The following KRTAP10-4 variants were observed in gnomAD, a reference collection of about 807,000 sequenced individuals.
KRTAP10-4 encodes the protein keratin associated protein 10-4, also known as keratin-associated protein 10-4.
For synonymous variants in KRTAP10-4, 147 were observed against 213.7 expected, an observed-to-expected ratio of 0.69 and a Z score of 2.72; for missense variants, 374 against 507.6, an observed-to-expected ratio of 0.74 and a Z score of 2.53.
the KRTAP10-4 span, chr21:44,574,793 C>A: frequency 1.2e-6 from 2 of 1,614,210 alleles, no homozygotes; most frequent in Non-Finnish European, 1.7e-6. Flanking sequence ...AATCTAGCTG[C>A]CAGCCAGCTT....
In KRTAP10-4 at chr21:44,574,621, C is replaced by T. The variant is rs1978318069; in HGVS notation, c.863C>T (p.Pro288Leu). The change falls in exon 1 of 1, where the codon CCC becomes CTC. Residue 288 changes from proline (P) to leucine (L), a missense_variant. By Grantham distance (98) the Pro-to-Leu change is moderately conservative. Coordinates refer to ENST00000400374, the MANE Select transcript of KRTAP10-4 (RefSeq NM_198687.2). ...TGCTGCAAGCCTGTCTGCTCTGTGCCCATCTGCTCTGGGGCTTCCTCTCTG... is the reference window on the plus strand; with the variant it reads ...TGCTGCAAGCCTGTCTGCTCTGTGCTCATCTGCTCTGGGGCTTCCTCTCTG... Reference protein sequence around the residue: ...PVCCKPVCSVPICSGASSLCC... With the variant: ...PVCCKPVCSVLICSGASSLCC... 7.7e-7 allele frequency: 1 copy of T among 1,293,720 alleles called. No individual in the cohort carries two copies. 80.1% of individuals were successfully genotyped at this position (1,293,720 alleles called of 1,614,324 possible). A position where few individuals can be genotyped will look rare whatever the true frequency, so the allele number is the denominator to read the frequency against.
rs1978322264 is a variant in KRTAP10-4, at chr21:44,574,754, C to T, written c.996C>T (p.Cys332=). The change falls in exon 1 of 1, where the codon TGC becomes TGT. Residue 332 remains cysteine, a synonymous_variant. Transcript: ENST00000400374. ...AGCCTGTGAGCTGTGTGCCTGTTTGCTCTGGGGCTTCCTCTTCATGCTGCC... is the reference window on the plus strand; with the variant it reads ...AGCCTGTGAGCTGTGTGCCTGTTTGTTCTGGGGCTTCCTCTTCATGCTGCC... ...CCKPVSCVPV[C]SGASSSCCQQ... 1.2e-6 allele frequency: 2 copies of T among 1,613,924 alleles called. No homozygotes were observed. The highest frequency in any genetic ancestry group is 1.7e-6 in the Non-Finnish European group (2 of 1,179,980).
At position 44,574,186 on chromosome 21, in the gene KRTAP10-4, C is replaced by T. The variant is rs782354453; in HGVS notation, c.428C>T (p.Ser143Leu). ...TGCTGCCAGCAGTCTAGCTGCCAGT[C>T]AGCTTGCTGCACCTCCTCCCCCTGC... ...SSCCQQSSCQ[S>L]ACCTSSPCQQ... Residue 143 changes from serine to leucine, a missense_variant, in exon 1 of 1, where the codon TCA becomes TTA. Coordinates refer to ENST00000400374, the MANE Select transcript of KRTAP10-4 (RefSeq NM_198687.2). The T allele has an allele frequency of 8.7e-6, 14 of 1,609,734 alleles. No homozygotes were observed. In the African/African-American group the frequency reaches 1.5e-4, roughly 17 times the overall value.
At position 44,574,519 on chromosome 21, in the gene KRTAP10-4, C is replaced by T; in HGVS notation, c.761C>T (p.Ser254Phe). 3 of 1,609,712 alleles carry T rather than the reference C, an allele frequency of 1.9e-6. No homozygotes were observed. Among genetic ancestry groups the T allele is most frequent in the Non-Finnish European group, 2.5e-6 (3 of 1,179,344 alleles). ...SEDSSSCCQQ[S>F]SCQPACCTSS... ...GATTCCTCTTCATGCTGCCAGCAGT[C>T]TAGCTGCCAGCCGGCTTGCTGCACC... The change falls in exon 1 of 1, where the codon TCT becomes TTT. Residue 254 changes from serine to phenylalanine, a missense_variant. By Grantham distance (155) the Ser-to-Phe change is radical. Coordinates refer to ENST00000400374, the MANE Select transcript of KRTAP10-4 (RefSeq NM_198687.2).
Position 44,574,452 on chromosome 21 carries a change from G to T in KRTAP10-4, c.694G>T (p.Val232Phe). ...CTGCCAGCAGGCCTGCTGCGTGCCC[G>T]TCTGCTGCAAGACTGTCTGCTGCAA... is the stretch of plus-strand genomic sequence containing the variant. ...SSCQQACCVP[V>F]CCKTVCCKPV... Residue 232 changes from valine to phenylalanine, a missense_variant, in exon 1 of 1, where the codon GTC becomes TTC. Coordinates refer to ENST00000400374, the MANE Select transcript of KRTAP10-4 (RefSeq NM_198687.2). 1 of 1,601,130 alleles carries T rather than the reference G, an allele frequency of 6.2e-7. No homozygotes were observed. The highest frequency in any genetic ancestry group is 8.5e-7 in the Non-Finnish European group (1 of 1,174,218).
chr21:44,575,046 C>T lies in KRTAP10-4; in HGVS notation c.*82C>T. On this transcript the variant is annotated 3_prime_UTR_variant, in exon 1 of 1. Transcript: ENST00000400374. ...CTGCTGATGGACACGCCCCCCAGTG[C>T]CAGCCAGGCTCAGGTCCCACCTGAA... is the stretch of plus-strand genomic sequence containing the variant. 6.4e-7 allele frequency: 1 copy of T among 1,570,442 alleles called. No homozygotes were observed. The highest frequency in any genetic ancestry group is 1.2e-5 in the South Asian group (1 of 83,392).
Position 44,575,088 on chromosome 21 carries a change from C to T in KRTAP10-4, c.*124C>T. The T allele has an allele frequency of 7.2e-7, 1 of 1,387,792 alleles. No individual in the cohort carries two copies. Among genetic ancestry groups the T allele is most frequent in the African/African-American group, 1.4e-5 (1 of 69,436 alleles). The allele number at this position is 1,387,792 out of a possible 1,614,324, so 86.0% of individuals were successfully genotyped here. On this transcript the variant is annotated 3_prime_UTR_variant, in exon 1 of 1. Coordinates refer to ENST00000400374, the MANE Select transcript of KRTAP10-4 (RefSeq NM_198687.2). Reference sequence around the variant, plus strand: ...CCACCTGAAAGCTGATAGTCGCGTCCTGAATTGCTCCTGCACTTTGACCAT... The same window carrying T: ...CCACCTGAAAGCTGATAGTCGCGTCTTGAATTGCTCCTGCACTTTGACCAT...
At position 44,573,972 on chromosome 21, in the gene KRTAP10-4, T is replaced by C. The variant is rs1278986301; in HGVS notation, c.214T>C (p.Cys72Arg). ...GTCCAGCCCCTGCTGCCCAGTGACC[T>C]GTGAGCCCAGCCCCTGCCAATCAGG... Reference protein sequence around the residue: ...RVSSPCCPVTCEPSPCQSGCT... With the variant: ...RVSSPCCPVTREPSPCQSGCT... The change falls in exon 1 of 1, where the codon TGT becomes CGT. Residue 72 changes from cysteine to arginine, a missense_variant. Transcript: ENST00000400374. 6.2e-7 allele frequency: 1 copy of C among 1,612,022 alleles called. No individual in the cohort carries two copies. The highest frequency in any genetic ancestry group is 2.2e-5 in the East Asian group (1 of 44,894).
In KRTAP10-4 at chr21:44,573,790, G is replaced by A. The variant is rs1555923049; in HGVS notation, c.32G>A (p.Ser11Asn). The A allele has an allele frequency of 6.2e-6, 10 of 1,613,988 alleles. No homozygotes were observed. The highest frequency in any genetic ancestry group is 8.5e-6 in the Non-Finnish European group (10 of 1,180,008). MSVCSSDLSYSSRVCLPGSCD... is the reference protein window; with the variant it reads MSVCSSDLSYNSRVCLPGSCD... ...GTCTGCTCCAGCGACCTGAGCTACAGCAGCCGCGTCTGCCTTCCTGGTTCC... is the reference window on the plus strand; with the variant it reads ...GTCTGCTCCAGCGACCTGAGCTACAACAGCCGCGTCTGCCTTCCTGGTTCC... The change falls in exon 1 of 1, where the codon AGC becomes AAC. Residue 11 changes from serine (S) to asparagine (N), a missense_variant. By Grantham distance (46) the Ser-to-Asn change is conservative (BLOSUM62 1). Coordinates refer to ENST00000400374, the MANE Select transcript of KRTAP10-4 (RefSeq NM_198687.2).
In KRTAP10-4 at chr21:44,574,797, C is replaced by T; in HGVS notation, c.1039C>T (p.Pro347Ser). The T allele has an allele frequency of 6.2e-7, 1 of 1,614,128 alleles. No individual in the cohort carries two copies. Among genetic ancestry groups the T allele is most frequent in the Non-Finnish European group, 8.5e-7 (1 of 1,180,018 alleles). ...ATGCTGCCAGCAATCTAGCTGCCAG[C>T]CAGCTTGCTGCACCACCTCCTGCTG... ...SSCCQQSSCQ[P>S]ACCTTSCCRP... Residue 347 changes from proline (P) to serine (S), a missense_variant, in exon 1 of 1, where the codon CCA becomes TCA. Transcript: ENST00000400374.
chr21:44,575,264 T>C lies in KRTAP10-4; in HGVS notation c.*300T>C, dbSNP rs457322. On this transcript the variant is annotated 3_prime_UTR_variant, in exon 1 of 1. Transcript: ENST00000400374. ...ATCTCCCACCTCTCATGAGGGTCAG[T>C]TCAGCCTTGACCCGTGAGGTCTCTG... The C allele has an allele frequency of 0.93, 520,372 of 556,840 alleles. 244,622 individuals are homozygous for C. Among genetic ancestry groups the C allele is most frequent in the Non-Finnish European group, 0.97 (294,240 of 302,602 alleles). 34.5% of individuals were successfully genotyped at this position (556,840 alleles called of 1,614,324 possible). A position where few individuals can be genotyped will look rare whatever the true frequency, so the allele number is the denominator to read the frequency against.
rs114829255 is a variant in KRTAP10-4, at chr21:44,575,186, G to C, written c.*222G>C. ...ATACTCAATGCTGCAGCCCTCTTGC[G>C]GGGGGAGGGGGGCGCTTCTAGAAAG... On this transcript the variant is annotated 3_prime_UTR_variant, in exon 1 of 1. Transcript: ENST00000400374. 3 of 746,028 alleles carry C rather than the reference G, an allele frequency of 4.0e-6. No homozygotes were observed. Among genetic ancestry groups the C allele is most frequent in the Non-Finnish European group, 6.5e-6 (3 of 459,660 alleles). The allele number at this position is 746,028 out of a possible 1,614,324, so 46.2% of individuals were successfully genotyped here.
rs587667837 is a variant in KRTAP10-4 at position 44,574,980 on chromosome 21, C to T, written c.*16C>T. The T allele has an allele frequency of 8.1e-5, 130 of 1,611,712 alleles. No individual in the cohort carries two copies. Among genetic ancestry groups the T allele is most frequent in the Middle Eastern group, 6.7e-4 (4 of 5,966 alleles). On this transcript the variant is annotated 3_prime_UTR_variant, in exon 1 of 1. Coordinates refer to ENST00000400374, the MANE Select transcript of KRTAP10-4 (RefSeq NM_198687.2). ...CCTCCTCTGACGCCCCGTGTGCTCC[C>T]GCCCAGCCTGCTGAGGCCTCCGCTC...
rs1555923526 is a variant in KRTAP10-4 at position 44,574,685 on chromosome 21, C to T, written c.927C>T (p.Thr309=). Residue 309 remains threonine (T), a synonymous_variant, in exon 1 of 1, where the codon ACC becomes ACT. Coordinates refer to ENST00000400374, the MANE Select transcript of KRTAP10-4 (RefSeq NM_198687.2). ...CTAGCTGCCAGCCAGCTTGCTGCAC[C>T]TCCTCCCAAAGCCAGCAGGGCTGCT... ...QQSSCQPACC[T]SSQSQQGCCV... 6.2e-7 allele frequency: 1 copy of T among 1,606,682 alleles called. No individual in the cohort carries two copies. The highest frequency in any genetic ancestry group is 1.7e-5 in the Admixed American group (1 of 59,388).
chr21:44,574,642 C>T lies in KRTAP10-4; in HGVS notation c.884C>T (p.Ser295Phe), dbSNP rs782062312. ...GTGCCCATCTGCTCTGGGGCTTCCT[C>T]TCTGTGCTGCCAGCAGTCTAGCTGC... ...CSVPICSGAS[S>F]LCCQQSSCQP... Residue 295 changes from serine (S) to phenylalanine (F), a missense_variant, in exon 1 of 1, where the codon TCT (serine) becomes TTT (phenylalanine). Transcript: ENST00000400374. The T allele has an allele frequency of 1.5e-6, 2 of 1,293,930 alleles. No individual in the cohort carries two copies. Among genetic ancestry groups the T allele is most frequent in the Non-Finnish European group, 2.1e-6 (2 of 971,876 alleles). The allele number at this position is 1,293,930 out of a possible 1,614,324, so 80.2% of individuals were successfully genotyped here.
rs782020049 is a variant in KRTAP10-4 at position 44,574,971 on chromosome 21, G to A, written c.*7G>A. On this transcript the variant is annotated 3_prime_UTR_variant, in exon 1 of 1. Transcript: ENST00000400374. ...CTGCGTGTCCCTCCTCTGACGCCCC[G>A]TGTGCTCCCGCCCAGCCTGCTGAGG... 16 of 1,611,748 alleles carry A rather than the reference G, an allele frequency of 9.9e-6. No homozygotes were observed. Among genetic ancestry groups the A allele is most frequent in the East Asian group, 2.2e-5 (1 of 44,814 alleles).
rs782001510 is a variant in KRTAP10-4 at position 44,574,908 on chromosome 21, A to T, written c.1150A>T (p.Thr384Ser). The stretch of plus-strand genomic sequence containing the variant: ...GCCCGTCCCTTCCTGCTGTGCTCCC[A>T]CCTCCTCCTGCCAACCCAGCTGCTG... ...CVPVPSCCAP[T>S]SSCQPSCCRP... Residue 384 changes from threonine (T) to serine (S), a missense_variant, in exon 1 of 1, where the codon ACC becomes TCC. Transcript: ENST00000400374. 6.2e-7 allele frequency: 1 copy of T among 1,605,040 alleles called. No individual in the cohort carries two copies. The highest frequency in any genetic ancestry group is 1.1e-5 in the South Asian group (1 of 90,308).
chr21:44,574,517 G>C lies in KRTAP10-4; in HGVS notation c.759G>C (p.Gln253His), dbSNP rs781855096. The C allele has an allele frequency of 2.5e-6, 4 of 1,606,808 alleles. No individual in the cohort carries two copies. In the Admixed American group the frequency reaches 6.8e-5, roughly 27 times the overall value. ...CSEDSSSCCQQSSCQPACCTS... is the reference protein window; with the variant it reads ...CSEDSSSCCQHSSCQPACCTS... ...AGGATTCCTCTTCATGCTGCCAGCA[G>C]TCTAGCTGCCAGCCGGCTTGCTGCA... Residue 253 changes from glutamine to histidine, a missense_variant, in exon 1 of 1, where the codon CAG becomes CAC. Coordinates refer to ENST00000400374, the MANE Select transcript of KRTAP10-4 (RefSeq NM_198687.2).
Position 44,575,241 on chromosome 21 carries a change from C to A in KRTAP10-4, c.*277C>A. 1.7e-6 allele frequency: 1 copy of A among 589,736 alleles called. No individual in the cohort carries two copies. Among genetic ancestry groups the A allele is most frequent in the Non-Finnish European group, 3.1e-6 (1 of 324,460 alleles). The allele number at this position is 589,736 out of a possible 1,614,324, so 36.5% of individuals were successfully genotyped here. On this transcript the variant is annotated 3_prime_UTR_variant, in exon 1 of 1. Coordinates refer to ENST00000400374, the MANE Select transcript of KRTAP10-4 (RefSeq NM_198687.2). ...CATGGCAGTGGCCTCCCCTCCATAT[C>A]TCCCACCTCTCATGAGGGTCAGTTC...
Sources: allele counts gnomAD v4.1 joint callset, GRCh38; gene constraint gnomAD v4.1.1; transcripts MANE v1.5; gene names NCBI Gene and HGNC (gene_info 2026-07-23, HGNC 2026-07-21).